Variants in DNAJC2 observed in about 807,000 individuals in gnomAD.
The protein encoded by DNAJC2 is DnaJ heat shock protein family (Hsp40) member C2, also known as dnaJ homolog subfamily C member 2.
Under a neutral mutation model 94.0 loss-of-function variants are expected in DNAJC2, and 32 were observed. The ratio of observed to expected loss-of-function variants is 0.34; its 90% CI spans 0.26 to 0.46. The LOEUF (loss-of-function observed/expected upper bound fraction) is 0.46. Ranked by LOEUF, DNAJC2 falls within the 20% of genes least tolerant of loss-of-function variation. The probability of loss-of-function intolerance (pLI) is 1.00; values close to 1 mark genes in which losing one functional copy is unlikely to be tolerated. For synonymous variants in DNAJC2, 210 were observed against 229.7 expected (o/e 0.91, Z 0.77); for missense variants, 550 against 719.5 (o/e 0.76, Z 2.69).
chr7:103,318,206 C>G (rs1046738814), intron 12 of DNAJC2, among the ~76,000 whole-genome samples: 1 of 151,884 alleles, frequency 6.6e-6, no homozygotes, highest in Admixed American at 6.6e-5. Context: ...CGCTCTGTTG[C>G]CCAGGTTGGA....
intron 7 of DNAJC2, 78 bp from the exon 8 acceptor site, chr7:103,322,872 T>C: frequency 9.1e-7 from 1 of 1,101,908 alleles, no homozygotes; most frequent in Non-Finnish European, 1.3e-6. Flanking sequence ...TTATAAAATA[T>C]TTATATGTAC....
At chr7:103,320,850 TGAGATGGAGACTCTGTCTTG>T in intron 10 of DNAJC2, 2 of 167,982 alleles carry the variant, frequency 1.2e-5, no homozygotes, top group East Asian at 1.6e-4. Flanking sequence ...TTTTTTTTTT[TGAGATGGAGACTCTGTCTTG>T]TTTAGTTACA....
intron 3 of DNAJC2, among the ~76,000 whole-genome samples, chr7:103,332,427 T>C (rs1365042006): frequency 6.6e-6 from 1 of 152,216 alleles, no homozygotes; most frequent in Non-Finnish European, 1.5e-5. Context: ...CATTAAACTT[T>C]ACAACTTAAC....
At chr7:103,317,716 TTTC>T (rs1486332702) in intron 12 of DNAJC2, among the ~76,000 whole-genome samples, 6 of 152,206 alleles carry the variant, frequency 3.9e-5, no homozygotes, top group African/African-American at 1.4e-4. Flanking sequence ...AGTGGTGTGA[TTTC>T]TGCTTACTGC....
chr7:103,337,015 C>G (rs1328930004), intron 3 of DNAJC2: 2 of 152,244 alleles, frequency 1.3e-5, no homozygotes, highest in Non-Finnish European at 2.9e-5. Context: ...TGGCCACAAT[C>G]TTACCCTCTC....
At chr7:103,334,842 T>G (rs77157032) in intron 3 of DNAJC2, among the ~76,000 whole-genome samples, 4 of 152,150 alleles carry the variant, frequency 2.6e-5, no homozygotes, top group East Asian at 1.9e-4. Flanking sequence ...GGTATTTTTT[T>G]GGGCATTTTT....
rs1817791048 is a variant in DNAJC2, at chr7:103,312,331, T to A, written c.*238A>T. On this transcript the variant is annotated 3_prime_UTR_variant, in exon 17 of 17. Coordinates refer to ENST00000379263, the MANE Select transcript of DNAJC2 (RefSeq NM_014377.3). ...TTTATAAAACAGAGCTAGAGAAAAATAAAAATGAACATGTATATACATTTG... is the reference window on the plus strand; with the variant it reads ...TTTATAAAACAGAGCTAGAGAAAAAAAAAAATGAACATGTATATACATTTG... 1.9e-6 allele frequency: 3 copies of A among 1,594,862 alleles called. No individual in the cohort carries two copies.
chr7:103,322,737 T>C lies in DNAJC2; in HGVS notation c.777A>G (p.Lys259=). ...KQNRATRAQR[K]KEEMNRIRTL... is the part of the protein sequence containing the mutation. ...TTCTTATTCTGTTCATTTCTTCTTT[T>C]TTTCTTTGTGCTCTTGTTGCTCTGT... Residue 259 remains lysine (K), a synonymous_variant, in exon 8 of 17, where the codon AAA becomes AAG. Coordinates refer to ENST00000379263, the MANE Select transcript of DNAJC2 (RefSeq NM_014377.3). The C allele has an allele frequency of 1.9e-6, 3 of 1,611,304 alleles. 1 individual carries two copies. Among genetic ancestry groups the C allele is most frequent in the Non-Finnish European group, 1.7e-6 (2 of 1,179,862 alleles).
At chr7:103,329,078 G>A in intron 3 of DNAJC2, 1 of 962,530 alleles carries the variant, frequency 1.0e-6, no homozygotes, top group Non-Finnish European at 1.4e-6. Context: ...GATTATCGCT[G>A]GTGGTCAACA....
At chr7:103,323,996 G>A (rs1818566083) in intron 6 of DNAJC2, among the ~76,000 whole-genome samples, 1 of 152,110 alleles carries the variant, frequency 6.6e-6, no homozygotes, top group Non-Finnish European at 1.5e-5. Flanking sequence ...CTCATCTCCA[G>A]TTTGTATCCT....
intron 12 of DNAJC2, among the ~76,000 whole-genome samples, chr7:103,317,681 C>T (rs943956950): frequency 6.6e-6 from 1 of 152,158 alleles, no homozygotes; most frequent in Non-Finnish European, 1.5e-5. Context: ...GGCAGAGTCT[C>T]ACTCTGTCGC....
At chr7:103,331,222 C>T (rs963929148) in intron 3 of DNAJC2, among the ~76,000 whole-genome samples, 94 of 152,164 alleles carry the variant, frequency 6.2e-4, no homozygotes, top group African/African-American at 2.0e-3. Flanking sequence ...CCTCCCAAAG[C>T]GCTGGGATTA....
rs774702940 is a variant in DNAJC2 at position 103,313,349 on chromosome 7, A to T, written c.1637-248T>A. ...ACACAATAGTAAAGATCTACCTTGT[A>T]CTGTTTATCTCTTAAAAATCAATGT... On this transcript the variant is annotated intron_variant, in intron 15 of 16. Coordinates refer to ENST00000379263, the MANE Select transcript of DNAJC2 (RefSeq NM_014377.3). 42 of 1,183,072 alleles carry T rather than the reference A, an allele frequency of 3.6e-5. No individual in the cohort carries two copies. In the South Asian group the frequency reaches 1.2e-3, roughly 35 times the overall value. 73.3% of individuals were successfully genotyped at this position (1,183,072 alleles called of 1,614,324 possible). A position where few individuals can be genotyped will look rare whatever the true frequency, so the allele number is the denominator to read the frequency against.
chr7:103,340,844 A>G (rs770203241), intron 2 of DNAJC2, among the ~76,000 whole-genome samples: 4 of 152,122 alleles, frequency 2.6e-5, no homozygotes, highest in Non-Finnish European at 5.9e-5. Flanking sequence ...ACCAATTTCT[A>G]ACCATCTACT....
At chr7:103,338,736 C>G (rs546414681) in intron 2 of DNAJC2, among the ~76,000 whole-genome samples, 5 of 151,570 alleles carry the variant, frequency 3.3e-5, no homozygotes, top group Non-Finnish European at 5.9e-5. Flanking sequence ...ATGGTGAAAC[C>G]CTGTCTCTAC....
chr7:103,312,357 G>A lies in DNAJC2; in HGVS notation c.*212C>T. On this transcript the variant is annotated 3_prime_UTR_variant, in exon 17 of 17. Transcript: ENST00000379263. ...AAAAATGAACATGTATATACATTTG[G>A]AAATTTGAATTAAATACTGTATCAT... 1 of 1,567,234 alleles carries A rather than the reference G, an allele frequency of 6.4e-7. No individual in the cohort carries two copies. Among genetic ancestry groups the A allele is most frequent in the East Asian group, 2.3e-5 (1 of 43,790 alleles).
intron 1 of DNAJC2, 136 bp downstream of exon 1, chr7:103,344,423 G>A: frequency 1.1e-6 from 1 of 895,828 alleles, no homozygotes; most frequent in Non-Finnish European, 1.8e-6. Flanking sequence ...GAGCAAAAAG[G>A]CACTCGTCAC....
chr7:103,319,329 C>G (rs756453125), intron 12 of DNAJC2, among the ~76,000 whole-genome samples: 24 of 152,046 alleles, frequency 1.6e-4, no homozygotes, highest in Non-Finnish European at 3.2e-4. Context: ...CCCAGTTACT[C>G]AGGAGGCTGA....
chr7:103,326,510 GGC>G, intron 5 of DNAJC2, 31 bp downstream of exon 5: 1 of 1,610,458 alleles, frequency 6.2e-7, no homozygotes. Context: ...AAGCCAACAG[GGC>G]ACTATGATCA....
Sources: allele counts gnomAD v4.1 joint callset (sites outside exome capture counted in the v4.1 genomes callset), GRCh38; gene constraint gnomAD v4.1.1; transcripts MANE v1.5; gene names NCBI Gene and HGNC (gene_info 2026-07-23, HGNC 2026-07-21).